The following SCN11A variants were observed in gnomAD, a reference collection of about 807,000 sequenced individuals.
SCN11A encodes sodium voltage-gated channel alpha subunit 11.
Under a neutral mutation model 162.2 loss-of-function variants are expected in SCN11A, and 122 were observed. The ratio of observed to expected loss-of-function variants is 0.75; its 90% confidence interval spans 0.65 to 0.87. The LOEUF (loss-of-function observed/expected upper bound fraction) is 0.87, where lower values mean the gene tolerates loss of function less well. Among genes scored for constraint, SCN11A ranks in the 40% least tolerant of loss-of-function variants. SCN11A has a pLI of 0.00. For synonymous variants in SCN11A, 758 were observed against 751.5 expected (o/e 1.01, Z -0.14); for missense variants, 2,015 against 2,181.6 (o/e 0.92, Z 1.52).
intron 2 of SCN11A, among the ~76,000 whole-genome samples, chr3:39,015,230 T>C (rs1235364253): frequency 6.6e-6 from 1 of 152,218 alleles, no homozygotes; most frequent in Non-Finnish European, 1.5e-5. Flanking sequence ...CCCTTCTACT[T>C]TCTTCCATGT....
intron 2 of SCN11A, among the ~76,000 whole-genome samples, chr3:39,025,491 T>C (rs1315899409): frequency 6.6e-6 from 1 of 152,228 alleles, no homozygotes; most frequent in Non-Finnish European, 1.5e-5. Context: ...ATTCATGAAT[T>C]TTCCTGGAAA....
chr3:38,886,189 T>C lies in SCN11A; in HGVS notation c.2885A>G (p.Gln962Arg). The stretch of plus-strand genomic sequence containing the variant: ...AGAGAACATGTCAATTTCCACACTT[T>C]GAACTCTCTGGCTCGTGGGCTTCTT... The part of the protein sequence containing the change: ...ENKKPTSQRV[Q>R]SVEIDMFSED... Residue 962 changes from glutamine to arginine, a missense_variant, in exon 20 of 30, where the codon CAA (glutamine) becomes CGA (arginine). Gln to Arg is a conservative substitution (Grantham distance 43, BLOSUM62 1). Coordinates refer to ENST00000302328, the MANE Select transcript of SCN11A (RefSeq NM_001349253.2). 6.2e-7 allele frequency: 1 copy of C among 1,613,108 alleles called. No individual in the cohort carries two copies.
intron 2 of SCN11A, among the ~76,000 whole-genome samples, chr3:39,010,527 C>T (rs770153769): frequency 6.6e-6 from 1 of 151,838 alleles, no homozygotes; most frequent in African/African-American, 2.4e-5. Flanking sequence ...TACAGGCGCC[C>T]GCCACCATGC....
rs765274047 is a variant in SCN11A at position 38,850,507 on chromosome 3, C to G, written c.4301G>C (p.Cys1434Ser). 3.7e-6 allele frequency: 6 copies of G among 1,613,650 alleles called. No individual in the cohort carries two copies. The highest frequency in any genetic ancestry group is 5.1e-6 in the Non-Finnish European group (6 of 1,179,784). Residue 1434 changes from cysteine to serine, a missense_variant, in exon 29 of 30, where the codon TGT (cysteine) becomes TCT (serine). Transcript: ENST00000302328. Reference protein sequence around the residue: ...YFTNGWNLFDCVVVLLSIVST... With the variant: ...YFTNGWNLFDSVVVLLSIVST... ...AACAATGGAAAGAAGCACGACCACA[C>G]AGTCAAATAAATTCCAGCCATTGGT...
chr3:38,975,276 G>A (rs2066842873), intron 2 of SCN11A, among the ~76,000 whole-genome samples: 1 of 152,056 alleles, frequency 6.6e-6, no homozygotes, highest in Non-Finnish European at 1.5e-5. Context: ...TGAGACACAT[G>A]AAGGGATGGT....
intron 20 of SCN11A, 71 bp downstream of exon 20, chr3:38,886,054 C>T: frequency 1.0e-6 from 1 of 981,970 alleles, no homozygotes; most frequent in South Asian, 1.7e-5. Context: ...GCCATTTTTC[C>T]ATAATAACTA....
intron 22 of SCN11A, among the ~76,000 whole-genome samples, chr3:38,881,044 A>G (rs979109609): frequency 1.3e-5 from 2 of 152,232 alleles, no homozygotes; most frequent in Non-Finnish European, 2.9e-5. Flanking sequence ...GGTGAAAAAA[A>G]GAATGCAAAA....
chr3:38,866,031 T>A (rs954612185), intron 27 of SCN11A, among the ~76,000 whole-genome samples: 4 of 152,158 alleles, frequency 2.6e-5, no homozygotes, highest in African/African-American at 9.7e-5. Flanking sequence ...ATATTGTAAT[T>A]CTAGGAATTT....
chr3:38,847,584 A>G lies in SCN11A; in HGVS notation c.4486T>C (p.Ser1496Pro), dbSNP rs767180182. 59 of 1,614,074 alleles carry G rather than the reference A, an allele frequency of 3.7e-5. No homozygotes were observed. The highest frequency in any genetic ancestry group is 4.4e-5 in the Non-Finnish European group (52 of 1,180,032). Residue 1496 changes from serine to proline, a missense_variant, in exon 30 of 30, where the codon TCT (serine) becomes CCT (proline). Transcript: ENST00000302328. ...LLFALMMSLP[S>P]LFNIGLLLFL... is the part of the protein sequence containing the mutation. Reference sequence around the variant, plus strand: ...AGTAGAAGACCAATGTTGAACAGAGAAGGAAGCGACATCATCAGAGCAAAG... The same window carrying G: ...AGTAGAAGACCAATGTTGAACAGAGGAGGAAGCGACATCATCAGAGCAAAG...
chr3:38,920,979 G>A (rs2066040485), intron 10 of SCN11A, 97 bp downstream of exon 10: 1 of 1,136,666 alleles, frequency 8.8e-7, no homozygotes, highest in Admixed American at 1.8e-5. Flanking sequence ...TTGCTGCTAA[G>A]AGACTCTGTA....
chr3:38,986,985 G>A (rs530885289), intron 2 of SCN11A, among the ~76,000 whole-genome samples: 1 of 152,010 alleles, frequency 6.6e-6, no homozygotes, highest in Admixed American at 6.5e-5. Flanking sequence ...TTCCGCACCT[G>A]GACAACTACA....
chr3:38,920,918 C>T (rs776714619), intron 10 of SCN11A, among the ~76,000 whole-genome samples, 158 bp downstream of exon 10: 6 of 152,124 alleles, frequency 3.9e-5, no homozygotes, highest in Admixed American at 1.3e-4. Flanking sequence ...AGGCAATTCT[C>T]TAGGAAATGC....
intron 7 of SCN11A, among the ~76,000 whole-genome samples, chr3:38,929,718 A>T (rs1421599717): frequency 2.6e-5 from 4 of 152,182 alleles, no homozygotes; most frequent in Non-Finnish European, 4.4e-5. Flanking sequence ...TTAGGAGGTG[A>T]TTAAGCCATG....
intron 2 of SCN11A, among the ~76,000 whole-genome samples, chr3:39,012,735 A>G (rs190568093): frequency 6.6e-6 from 1 of 152,260 alleles, no homozygotes; most frequent in East Asian, 1.9e-4. Context: ...TTGGCCTCCC[A>G]AAGTGCTGGG....
At position 38,846,120 on chromosome 3, in the gene SCN11A, TC is replaced by T. The variant is rs2064657057; in HGVS notation, c.*573del. 6.6e-6 allele frequency: 1 copy of T among 152,332 alleles called. No individual in the cohort carries two copies. The highest frequency in any genetic ancestry group is 1.5e-5 in the Non-Finnish European group (1 of 68,126). The allele number at this position is 152,332 out of a possible 1,614,324, so 9.4% of individuals were successfully genotyped here. A position where few individuals can be genotyped will look rare whatever the true frequency, so the allele number is the denominator to read the frequency against. ...GATATAATTTGAACCATGTTTCTTT[TC>T]TTTTCTTTTTTGAAACAGAGTCTCA... On this transcript the variant is annotated 3_prime_UTR_variant, in exon 30 of 30. Transcript: ENST00000302328.
At chr3:38,929,877 C>T (rs11918480) in intron 7 of SCN11A, among the ~76,000 whole-genome samples, 31,171 of 152,026 alleles carry the variant, frequency 0.21, 3,596 homozygotes, top group African/African-American at 0.3. Flanking sequence ...CAAGAAGACC[C>T]TCACCAGATA....
intron 2 of SCN11A, among the ~76,000 whole-genome samples, chr3:38,978,708 T>C (rs2066864226): frequency 1.3e-5 from 2 of 152,116 alleles, no homozygotes; most frequent in South Asian, 2.1e-4. Flanking sequence ...ATGAAGATAA[T>C]TTGATTTTAT....
At chr3:39,037,123 C>T (rs930772359) in intron 1 of SCN11A, among the ~76,000 whole-genome samples, 9 of 152,118 alleles carry the variant, frequency 5.9e-5, no homozygotes, top group African/African-American at 1.4e-4. Context: ...CACGTGTATA[C>T]GATAGAGTAC....
chr3:38,888,243 A>G (rs1324094892), intron 19 of SCN11A, among the ~76,000 whole-genome samples: 1 of 152,246 alleles, frequency 6.6e-6, no homozygotes, highest in Non-Finnish European at 1.5e-5. Flanking sequence ...GGACCTGGGC[A>G]AAAGTACCCA....
Sources: gnomAD v4.1 joint callset for allele counts (sites outside exome capture counted in the v4.1 genomes callset) on GRCh38, gnomAD v4.1.1 for gene constraint, MANE v1.5 for transcripts, NCBI Gene and HGNC (gene_info 2026-07-23, HGNC 2026-07-21) for gene names.